Variants in SH3D19 observed in about 807,000 individuals in gnomAD.
The protein encoded by SH3D19 is SH3 domain-containing protein 19.
In SH3D19, 58 loss-of-function variants were observed where a neutral mutation model predicts 112.1. The ratio of observed to expected loss-of-function variants is 0.52; its 90% CI spans 0.42 to 0.64. SH3D19 has a LOEUF of 0.64. Among genes scored for constraint, SH3D19 ranks in the 30% least tolerant of loss-of-function variants. The pLI, the probability that SH3D19 is intolerant of heterozygous loss-of-function variation, is 0.00. For missense variants in SH3D19, 1,090 were observed against 1,263.4 expected (o/e 0.86, Z 2.08); for synonymous variants, 391 against 448.5 (o/e 0.87, Z 1.62).
intron 2 of SH3D19, among the ~76,000 whole-genome samples, chr4:151,204,724 C>T (rs897765716): frequency 6.6e-6 from 1 of 152,128 alleles, no homozygotes. Context: ...CAGGCTTAAG[C>T]AGAACAAATC....
rs756477716 is a variant in SH3D19, at chr4:151,175,229, C to T, written c.975G>A (p.Lys325=). The change falls in exon 7 of 20, where the codon AAG becomes AAA. Residue 325 remains lysine (K), a synonymous_variant. Transcript: ENST00000604030. ...PEITPRSLPP[K]PTVSSGKPSV... ...AAGGTTTCCCTGAGGAAACAGTAGG[C>T]TTTGGAGGAAGTGAACGTGGAGTAA... 5.6e-6 allele frequency: 9 copies of T among 1,614,070 alleles called. No homozygotes were observed. The South Asian group carries it at 7.7e-5, about 14-fold the overall frequency.
At chr4:151,157,911 T>C (rs977881382) in intron 9 of SH3D19, among the ~76,000 whole-genome samples, 1 of 152,042 alleles carries the variant, frequency 6.6e-6, no homozygotes, top group Non-Finnish European at 1.5e-5. Context: ...AAATAAAAAG[T>C]AGAACGGAGG....
chr4:151,325,381 T>C lies in SH3D19; in HGVS notation c.-29A>G. 8.8e-7 allele frequency: 1 copy of C among 1,142,790 alleles called. No individual in the cohort carries two copies. The allele number at this position is 1,142,790 out of a possible 1,614,324, so 70.8% of individuals were successfully genotyped here. ...CGAGGCGCGGGGCGCAGCCGCGGGA[T>C]GGCCAGCGAGCTGCGGCCCCGGCGC... On this transcript the variant is annotated 5_prime_UTR_variant, in exon 1 of 20. Coordinates refer to ENST00000604030, the MANE Select transcript of SH3D19 (RefSeq NM_001378122.1).
intron 11 of SH3D19, chr4:151,144,439 G>A: frequency 1.5e-6 from 1 of 655,984 alleles, no homozygotes. Context: ...GATCAATGGA[G>A]CCTGCCATTT....
At chr4:151,269,255 G>A (rs1199815690) in intron 1 of SH3D19, among the ~76,000 whole-genome samples, 1 of 152,120 alleles carries the variant, frequency 6.6e-6, no homozygotes, top group Non-Finnish European at 1.5e-5. Flanking sequence ...AAAAGTGTCT[G>A]TTCATGTCCT....
chr4:151,295,372 G>A (rs1246793984), intron 1 of SH3D19, among the ~76,000 whole-genome samples: 4 of 152,180 alleles, frequency 2.6e-5, no homozygotes, highest in Non-Finnish European at 4.4e-5. Flanking sequence ...GTGAAACAAG[G>A]ACTGCTGTAT....
intron 1 of SH3D19, among the ~76,000 whole-genome samples, chr4:151,278,662 A>G (rs927514167): frequency 6.6e-6 from 1 of 151,130 alleles, no homozygotes; most frequent in Non-Finnish European, 1.5e-5. Flanking sequence ...ACAGGGTCTC[A>G]CTCTCTCGCC....
At chr4:151,244,312 T>C (rs545424576) in intron 1 of SH3D19, among the ~76,000 whole-genome samples, 21 of 152,292 alleles carry the variant, frequency 1.4e-4, no homozygotes, top group Non-Finnish European at 2.1e-4. Flanking sequence ...GTATATGAAT[T>C]TGGAGAACAA....
chr4:151,249,450 C>T (rs1383750877), intron 1 of SH3D19, among the ~76,000 whole-genome samples: 1 of 152,126 alleles, frequency 6.6e-6, no homozygotes, highest in African/African-American at 2.4e-5. Flanking sequence ...GCTATTAACT[C>T]TAAATCTGTA....
chr4:151,294,528 C>G (rs1051917915), intron 1 of SH3D19, among the ~76,000 whole-genome samples: 4 of 152,198 alleles, frequency 2.6e-5, no homozygotes, highest in African/African-American at 9.7e-5. Flanking sequence ...AACAGTTGCC[C>G]AGGGGGTGGT....
chr4:151,286,899 G>T (rs571553256), intron 1 of SH3D19, among the ~76,000 whole-genome samples: 8 of 151,658 alleles, frequency 5.3e-5, no homozygotes, highest in Non-Finnish European at 1.2e-4. Context: ...AGAATCACTT[G>T]AATCTGGGAG....
intron 1 of SH3D19, among the ~76,000 whole-genome samples, chr4:151,290,963 T>A (rs1461664449): frequency 6.6e-6 from 1 of 152,256 alleles, no homozygotes; most frequent in Non-Finnish European, 1.5e-5. Context: ...ATTCCTGTGA[T>A]ATCTCCCTAA....
chr4:151,160,941 T>C (rs1461381298), intron 8 of SH3D19, among the ~76,000 whole-genome samples: 1 of 152,162 alleles, frequency 6.6e-6, no homozygotes, highest in Non-Finnish European at 1.5e-5. Context: ...TTGAAGATAT[T>C]TTCTGTGCTG....
chr4:151,139,702 G>A (rs1752632613), intron 13 of SH3D19, 73 bp downstream of exon 13: 2 of 1,368,468 alleles, frequency 1.5e-6, no homozygotes, highest in African/African-American at 1.4e-5. Flanking sequence ...TCCTTGAGAG[G>A]CTAACCCCCG....
At chr4:151,284,175 A>T (rs1295230680) in intron 1 of SH3D19, among the ~76,000 whole-genome samples, 1 of 152,122 alleles carries the variant, frequency 6.6e-6, no homozygotes, top group Non-Finnish European at 1.5e-5. Flanking sequence ...ATTCTGCCTC[A>T]TTTCTCTCTC....
chr4:151,138,056 A>C (rs1316007224), intron 13 of SH3D19, among the ~76,000 whole-genome samples, 194 bp from the exon 14 acceptor site: 1 of 152,174 alleles, frequency 6.6e-6, no homozygotes, highest in Non-Finnish European at 1.5e-5. Context: ...CTTTTTAAAG[A>C]CCAAATTAGA....
intron 1 of SH3D19, among the ~76,000 whole-genome samples, chr4:151,253,638 G>A (rs1243105931): frequency 2.0e-5 from 3 of 152,076 alleles, no homozygotes; most frequent in African/African-American, 7.2e-5. Flanking sequence ...CTACTCAGGA[G>A]GCTGACGCAG....
chr4:151,151,737 C>T (rs1755096910), intron 9 of SH3D19, among the ~76,000 whole-genome samples: 1 of 152,190 alleles, frequency 6.6e-6, no homozygotes, highest in African/African-American at 2.4e-5. Context: ...AATTACACTG[C>T]TGCCTATATT....
At chr4:151,129,170 A>G (rs1174931366) in intron 17 of SH3D19, among the ~76,000 whole-genome samples, 1 of 152,184 alleles carries the variant, frequency 6.6e-6, no homozygotes, top group Admixed American at 6.5e-5. Flanking sequence ...ACAGAACTTC[A>G]TCAATTCACA....
Sources: allele counts gnomAD v4.1 joint callset (sites outside exome capture counted in the v4.1 genomes callset), GRCh38; gene constraint gnomAD v4.1.1; transcripts MANE v1.5; gene names NCBI Gene and HGNC (gene_info 2026-07-23, HGNC 2026-07-21).